CRYGN: variants seen among roughly 807,000 people sequenced by gnomAD.
The protein encoded by CRYGN is crystallin gamma N.
A neutral mutation model predicts 19.2 loss-of-function variants in CRYGN; 17 were observed. That is an observed-to-expected ratio of 0.89 (90% CI 0.61 to 1.33). CRYGN has a LOEUF of 1.33. Ranked by LOEUF, CRYGN falls within the 40% of genes most tolerant of loss-of-function variation. The pLI is 0.00. For synonymous variants in CRYGN, 84 were observed against 85.8 expected, an observed-to-expected ratio of 0.98 and a Z score of 0.12; for missense variants, 239 against 239.6, an observed-to-expected ratio of 1.00 and a Z score of 0.02.
intron 3 of CRYGN, among the ~76,000 whole-genome samples, chr7:151,432,942 C>T (rs893568692): frequency 2.0e-5 from 3 of 152,180 alleles, no homozygotes; most frequent in African/African-American, 4.8e-5. Context: ...CATGTGTGCC[C>T]AACACTGTGT....
intron 3 of CRYGN, among the ~76,000 whole-genome samples, chr7:151,434,356 C>T (rs575851746): frequency 1.6e-4 from 24 of 152,292 alleles, no homozygotes; most frequent in Middle Eastern, 3.4e-3. Flanking sequence ...ACATCCTCCA[C>T]GCAAAGGCAT....
chr7:151,436,359 A>AGC lies in CRYGN; in HGVS notation c.271-35_271-34insGC. The AGC allele has an allele frequency of 6.1e-6, 9 of 1,475,012 alleles. No homozygotes were observed. The highest frequency in any genetic ancestry group is 8.2e-6 in the Non-Finnish European group (9 of 1,103,912). 91.4% of individuals were successfully genotyped at this position (1,475,012 alleles called of 1,614,324 possible). A position where few individuals can be genotyped will look rare whatever the true frequency, so the allele number is the denominator to read the frequency against. ...CCAAGCAAAAAAGAAGGAAAGAAGGAGGTTGCTGTGAATTCCCCTCTCCCA... is the reference window on the plus strand; with the variant it reads ...CCAAGCAAAAAAGAAGGAAAGAAGGAGCGGTTGCTGTGAATTCCCCTCTCCCA... On this transcript the variant is annotated intron_variant, in intron 2 of 3. Coordinates refer to ENST00000337323, the MANE Select transcript of CRYGN (RefSeq NM_144727.3). The surrounding 1 kb of genome is among the most constrained non-coding windows in gnomAD (Gnocchi z 5.1).
chr7:151,437,286 G>A (rs540758393), intron 2 of CRYGN, among the ~76,000 whole-genome samples: 34 of 152,246 alleles, frequency 2.2e-4, no homozygotes, highest in Non-Finnish European at 3.5e-4. Flanking sequence ...TAAGCGAGAC[G>A]CTCTGTGATG....
chr7:151,438,215 T>C lies in CRYGN; in HGVS notation c.51A>G (p.Thr17=), dbSNP rs147747390. The change falls in exon 2 of 4, where the codon ACA becomes ACG. Residue 17 remains threonine (T), a synonymous_variant. Transcript: ENST00000337323. ...KITLYEGKHF[T]GQKLEVFGDC... ...CCCCGAAGACCTCCAGCTTCTGCCCTGTGAAGTGCTTGCCTTCATAGAGAG... is the reference window on the plus strand; with the variant it reads ...CCCCGAAGACCTCCAGCTTCTGCCCCGTGAAGTGCTTGCCTTCATAGAGAG... 1.0e-4 allele frequency: 168 copies of C among 1,613,390 alleles called. No homozygotes were observed. The African/African-American group carries it at 1.9e-3, about 19-fold the overall frequency.
Position 151,431,897 on chromosome 7 carries a change from C to G in CRYGN, c.417-1717G>C, listed in dbSNP as rs548215396. ...GGCCTGGGTTCCGGCCCTGCCCCAT[C>G]CCCATTGCTTCTCACCACCTCTCCC... On this transcript the variant is annotated intron_variant, in intron 3 of 3. Coordinates refer to ENST00000337323, the MANE Select transcript of CRYGN (RefSeq NM_144727.3). The surrounding 1 kb of genome is among the most constrained non-coding windows in gnomAD (Gnocchi z 4.8). 2.3e-3 allele frequency: 683 copies of G among 292,802 alleles called. No homozygotes were observed. Among genetic ancestry groups the G allele is most frequent in the Non-Finnish European group, 2.1e-3 (332 of 158,690 alleles). 18.1% of individuals were successfully genotyped at this position (292,802 alleles called of 1,614,324 possible).
chr7:151,432,704 T>G (rs548341995), intron 3 of CRYGN, among the ~76,000 whole-genome samples: 1 of 152,158 alleles, frequency 6.6e-6, no homozygotes, highest in Non-Finnish European at 1.5e-5. Context: ...CTTGGGAGAC[T>G]GAGGCAAGAT....
rs73727194 is a variant in CRYGN at position 151,432,037 on chromosome 7, G to A, written c.417-1857C>T. Reference sequence around the variant, plus strand: ...ACTGCCGAGAGAGCACTCAGAAGCCGCCCGTTGGCTTTGAGGACTTTTATC... The same window carrying A: ...ACTGCCGAGAGAGCACTCAGAAGCCACCCGTTGGCTTTGAGGACTTTTATC... On this transcript the variant is annotated intron_variant, in intron 3 of 3. Coordinates refer to ENST00000337323, the MANE Select transcript of CRYGN (RefSeq NM_144727.3). 1.3e-3 allele frequency: 587 copies of A among 442,576 alleles called. 2 individuals are homozygous for A. The highest frequency in any genetic ancestry group is 9.1e-3 in the African/African-American group (450 of 49,482). The allele number at this position is 442,576 out of a possible 1,614,324, so 27.4% of individuals were successfully genotyped here. A position where few individuals can be genotyped will look rare whatever the true frequency, so the allele number is the denominator to read the frequency against.
rs1345048423 is a variant in CRYGN at position 151,431,363 on chromosome 7, C to T, written c.417-1183G>A. Among the ~76,000 whole-genome samples, 3 of 152,184 alleles carry T rather than the reference C, an allele frequency of 2.0e-5. No individual in the cohort carries two copies. The highest frequency in any genetic ancestry group is 4.8e-5 in the African/African-American group (2 of 41,444). On this transcript the variant is annotated intron_variant, in intron 3 of 3. Coordinates refer to ENST00000337323, the MANE Select transcript of CRYGN (RefSeq NM_144727.3). This position sits in a 1 kb window ranked among gnomAD's most constrained non-coding sequence, Gnocchi z 4.8. ...CCTTCCAGGACAGACTTCTCCCTCC[C>T]CTCTGCCCCTCAAGGGTGGGGTGTC...
chr7:151,431,988 G>T lies in CRYGN; in HGVS notation c.417-1808C>A, dbSNP rs111969841. ...CCGGGAAAGCGCCCTGGATCATCCAGCTCCTCCCAGGGCTGGGATGCCCAC... is the reference window on the plus strand; with the variant it reads ...CCGGGAAAGCGCCCTGGATCATCCATCTCCTCCCAGGGCTGGGATGCCCAC... On this transcript the variant is annotated intron_variant, in intron 3 of 3. Coordinates refer to ENST00000337323, the MANE Select transcript of CRYGN (RefSeq NM_144727.3). The surrounding 1 kb of genome is among the most constrained non-coding windows in gnomAD (Gnocchi z 4.8). The T allele has an allele frequency of 0.011, 4,390 of 390,244 alleles. 56 individuals carry two copies. The highest frequency in any genetic ancestry group is 0.036 in the African/African-American group (1,748 of 48,490). 24.2% of individuals were successfully genotyped at this position (390,244 alleles called of 1,614,324 possible).
In CRYGN at chr7:151,436,430, A is replaced by C; in HGVS notation, c.271-105T>G. On this transcript the variant is annotated intron_variant, in intron 2 of 3. Transcript: ENST00000337323. This position sits in a 1 kb window ranked among gnomAD's most constrained non-coding sequence, Gnocchi z 5.1. ...GAAGGAATTAGGAGGTACCCAAGGCACTGGGCACCCCCACCCCACACACTT... is the reference window on the plus strand; with the variant it reads ...GAAGGAATTAGGAGGTACCCAAGGCCCTGGGCACCCCCACCCCACACACTT... 4 of 1,023,622 alleles carry C rather than the reference A, an allele frequency of 3.9e-6. No individual in the cohort carries two copies. Among genetic ancestry groups the C allele is most frequent in the Non-Finnish European group, 5.5e-6 (4 of 732,334 alleles). The allele number at this position is 1,023,622 out of a possible 1,614,324, so 63.4% of individuals were successfully genotyped here.
intron 1 of CRYGN, among the ~76,000 whole-genome samples, chr7:151,438,526 C>T (rs1314143710): frequency 6.6e-6 from 1 of 152,222 alleles, no homozygotes; most frequent in Non-Finnish European, 1.5e-5. Context: ...GGGGTTTCCC[C>T]TTTGTCTAGG....
chr7:151,439,834 C>G, intron 1 of CRYGN, 63 bp downstream of exon 1: 1 of 1,509,438 alleles, frequency 6.6e-7, no homozygotes, highest in Non-Finnish European at 9.0e-7. Context: ...TCCTGCATCC[C>G]CTAGCACAGG....
intron 3 of CRYGN, among the ~76,000 whole-genome samples, chr7:151,434,182 T>C (rs1445471497): frequency 6.6e-6 from 1 of 152,156 alleles, no homozygotes; most frequent in Non-Finnish European, 1.5e-5. Context: ...GCTGAGCTCC[T>C]GGGTCCCCCA....
In CRYGN at chr7:151,429,778, G is replaced by C. The variant is rs1238655188; in HGVS notation, c.*270C>G. On this transcript the variant is annotated 3_prime_UTR_variant, in exon 4 of 4. Coordinates refer to ENST00000337323, the MANE Select transcript of CRYGN (RefSeq NM_144727.3). ...CAACATCATCACCATCATCAGCTGT[G>C]GGCTGAGGTGCGAGATTGTGGAGGC... 3 of 526,374 alleles carry C rather than the reference G, an allele frequency of 5.7e-6. No homozygotes were observed. In the African/African-American group the frequency reaches 5.7e-5, roughly 10 times the overall value. 32.6% of individuals were successfully genotyped at this position (526,374 alleles called of 1,614,324 possible).
In CRYGN at chr7:151,435,052, T is replaced by G. The variant is rs529565670; in HGVS notation, c.416+1128A>C. ...ATTTTCGCTGTGCGGTTGGAGCCCATGGACATGGGGTACCACCTGTGCCCA... is the reference window on the plus strand; with the variant it reads ...ATTTTCGCTGTGCGGTTGGAGCCCAGGGACATGGGGTACCACCTGTGCCCA... On this transcript the variant is annotated intron_variant, in intron 3 of 3. Transcript: ENST00000337323. This position sits in a 1 kb window ranked among gnomAD's most constrained non-coding sequence, Gnocchi z 4.2. 6.6e-6 allele frequency among the ~76,000 whole-genome samples: 1 copy of G among 152,368 alleles called. No individual in the cohort carries two copies. Among genetic ancestry groups the G allele is most frequent in the South Asian group, 2.1e-4 (1 of 4,834 alleles).
chr7:151,434,741 G>A (rs77114834), intron 3 of CRYGN, among the ~76,000 whole-genome samples: 1 of 152,142 alleles, frequency 6.6e-6, no homozygotes, highest in African/African-American at 2.4e-5. Flanking sequence ...TGGGAACCGT[G>A]GCTTTAAGCA....
rs111969841 is a variant in CRYGN, at chr7:151,431,988, G to A, written c.417-1808C>T. ...CCGGGAAAGCGCCCTGGATCATCCA[G>A]CTCCTCCCAGGGCTGGGATGCCCAC... On this transcript the variant is annotated intron_variant, in intron 3 of 3. Coordinates refer to ENST00000337323, the MANE Select transcript of CRYGN (RefSeq NM_144727.3). The surrounding 1 kb of genome is among the most constrained non-coding windows in gnomAD (Gnocchi z 4.8). 2 of 390,260 alleles carry A rather than the reference G, an allele frequency of 5.1e-6. No homozygotes were observed. Among genetic ancestry groups the A allele is most frequent in the Non-Finnish European group, 9.0e-6 (2 of 222,190 alleles). 24.2% of individuals were successfully genotyped at this position (390,260 alleles called of 1,614,324 possible).
chr7:151,437,723 T>C (rs563237347), intron 2 of CRYGN: 123 of 1,003,202 alleles, frequency 1.2e-4, no homozygotes, highest in Non-Finnish European at 1.7e-4. Context: ...GCATTTTAAA[T>C]GGAAAATGCA....
chr7:151,429,987 G>GTAAA lies in CRYGN; in HGVS notation c.*57_*60dup. ...ATGAAAACTGAGGGCATGATTTTAA[G>GTAAA]TAAACACTCTCCCGGCTCAGAAACG... On this transcript the variant is annotated 3_prime_UTR_variant, in exon 4 of 4. Transcript: ENST00000337323. 1 of 795,826 alleles carries GTAAA rather than the reference G, an allele frequency of 1.3e-6. No homozygotes were observed. The highest frequency in any genetic ancestry group is 2.3e-6 in the Non-Finnish European group (1 of 432,848). The allele number at this position is 795,826 out of a possible 1,614,324, so 49.3% of individuals were successfully genotyped here. A position where few individuals can be genotyped will look rare whatever the true frequency, so the allele number is the denominator to read the frequency against.
Sources: allele counts gnomAD v4.1 joint callset (sites outside exome capture counted in the v4.1 genomes callset), GRCh38; gene constraint gnomAD v4.1.1; non-coding constraint Gnocchi (gnomAD v3.1); transcripts MANE v1.5; gene names NCBI Gene and HGNC (gene_info 2026-07-23, HGNC 2026-07-21).